Variants in MARCHF11 observed in about 807,000 individuals in gnomAD.
MARCHF11 encodes the protein membrane associated ring-CH-type finger 11.
MARCHF11 carries 29 observed loss-of-function variants against 37.3 expected under a neutral mutation model. That is an observed-to-expected ratio of 0.78 (90% CI 0.58 to 1.06). The LOEUF (loss-of-function observed/expected upper bound fraction) is 1.06. Ranked by LOEUF, MARCHF11 falls within the 50% of genes least tolerant of loss-of-function variation. The pLI is 0.00. For synonymous variants in MARCHF11, 233 were observed against 228.0 expected (o/e 1.02, Z -0.20); for missense variants, 482 against 533.4 (o/e 0.90, Z 0.95).
chr5:16,146,751 T>C (rs543555360), intron 2 of MARCHF11, among the ~76,000 whole-genome samples: 1 of 152,262 alleles, frequency 6.6e-6, no homozygotes, highest in African/African-American at 2.4e-5. Context: ...CAATCAACAA[T>C]CTCAATTTAG....
At chr5:16,103,419 G>C (rs954857740) in intron 2 of MARCHF11, among the ~76,000 whole-genome samples, 1 of 152,116 alleles carries the variant, frequency 6.6e-6, no homozygotes, top group Non-Finnish European at 1.5e-5. Flanking sequence ...AGCTTGAAGG[G>C]GGTTTCTGGG....
chr5:16,076,881 G>A (rs1271384653), intron 3 of MARCHF11, among the ~76,000 whole-genome samples: 2 of 152,178 alleles, frequency 1.3e-5, no homozygotes, highest in African/African-American at 2.4e-5. Context: ...CTCAGCCTGC[G>A]AAATGGCCAG....
chr5:16,108,093 T>C (rs116185334), intron 2 of MARCHF11, among the ~76,000 whole-genome samples: 1,914 of 152,288 alleles, frequency 0.013, 35 homozygotes, highest in African/African-American at 0.041. Flanking sequence ...TCCACTGAGC[T>C]GGTTAAACAC....
At chr5:16,131,164 C>T (rs548564453) in intron 2 of MARCHF11, among the ~76,000 whole-genome samples, 17 of 152,242 alleles carry the variant, frequency 1.1e-4, no homozygotes, top group African/African-American at 3.9e-4. Flanking sequence ...TAAACAAGTT[C>T]AAAATTCTGG....
At chr5:16,110,203 A>G (rs1457137509) in intron 2 of MARCHF11, among the ~76,000 whole-genome samples, 2 of 152,184 alleles carry the variant, frequency 1.3e-5, no homozygotes, top group Admixed American at 1.3e-4. Flanking sequence ...TGGGCAAATT[A>G]TATTCAGATT....
chr5:16,082,550 A>G (rs1021490286), intron 3 of MARCHF11, among the ~76,000 whole-genome samples: 2 of 152,178 alleles, frequency 1.3e-5, no homozygotes, highest in African/African-American at 4.8e-5. Context: ...TCCTTCCTGC[A>G]GAAGCAGTTG....
At chr5:16,083,870 C>T (rs1403314975) in intron 3 of MARCHF11, among the ~76,000 whole-genome samples, 2 of 152,118 alleles carry the variant, frequency 1.3e-5, no homozygotes, top group Non-Finnish European at 2.9e-5. Flanking sequence ...ACGACGATGA[C>T]CTAAAGGCAT....
chr5:16,171,644 T>C (rs1045562893), intron 2 of MARCHF11, among the ~76,000 whole-genome samples: 1 of 152,230 alleles, frequency 6.6e-6, no homozygotes, highest in Non-Finnish European at 1.5e-5. Flanking sequence ...GTGGTAGCTT[T>C]CATGCTAGGA....
chr5:16,162,834 T>A (rs772862280), intron 2 of MARCHF11, among the ~76,000 whole-genome samples: 49 of 152,196 alleles, frequency 3.2e-4, no homozygotes, highest in Non-Finnish European at 5.3e-4. Flanking sequence ...AGTCCTGTTC[T>A]AATAAGACTA....
At chr5:16,111,537 T>C (rs1036951383) in intron 2 of MARCHF11, among the ~76,000 whole-genome samples, 2 of 152,178 alleles carry the variant, frequency 1.3e-5, no homozygotes, top group Non-Finnish European at 2.9e-5. Context: ...CAGCAAAGCA[T>C]TCAAGAGGTG....
intron 2 of MARCHF11, among the ~76,000 whole-genome samples, chr5:16,122,200 T>C (rs1482661944): frequency 6.6e-6 from 1 of 152,150 alleles, no homozygotes; most frequent in Non-Finnish European, 1.5e-5. Context: ...AGAAGGAAAC[T>C]TCTGGGCCTT....
intron 2 of MARCHF11, among the ~76,000 whole-genome samples, chr5:16,118,474 T>C (rs1254389624): frequency 6.6e-6 from 1 of 152,182 alleles, no homozygotes; most frequent in Non-Finnish European, 1.5e-5. Context: ...TGCTATGCAC[T>C]GAGACGAGGA....
At chr5:16,172,882 GCTAT>G (rs1296275277) in intron 2 of MARCHF11, among the ~76,000 whole-genome samples, 18 of 152,290 alleles carry the variant, frequency 1.2e-4, no homozygotes, top group Admixed American at 1.1e-3. Flanking sequence ...AAACCCACCT[GCTAT>G]CTAATTCCCC....
intron 2 of MARCHF11, among the ~76,000 whole-genome samples, chr5:16,122,326 A>G (rs1440485815): frequency 6.6e-6 from 1 of 152,156 alleles, no homozygotes; most frequent in Non-Finnish European, 1.5e-5. Context: ...ATGCTTCTCC[A>G]TGGTCTTCAT....
intron 2 of MARCHF11, among the ~76,000 whole-genome samples, chr5:16,170,092 C>A (rs73044700): frequency 2.5e-3 from 377 of 152,234 alleles, no homozygotes; most frequent in African/African-American, 6.7e-3. Flanking sequence ...ACCGTGCAAA[C>A]TGCTCATCAA....
intron 2 of MARCHF11, among the ~76,000 whole-genome samples, chr5:16,136,272 T>C (rs1579404178): frequency 6.6e-6 from 1 of 152,098 alleles, no homozygotes. Flanking sequence ...CAAGGGTACA[T>C]TGGGTACCAG....
intron 2 of MARCHF11, among the ~76,000 whole-genome samples, chr5:16,127,064 T>C (rs746398178): frequency 5.9e-5 from 9 of 152,158 alleles, no homozygotes; most frequent in Non-Finnish European, 8.8e-5. Context: ...GTAGCATATC[T>C]AGAGTAATAT....
rs1051289673 is a variant in MARCHF11 at position 16,083,687 on chromosome 5, G to A, written c.886+7202C>T. On this transcript the variant is annotated intron_variant, in intron 3 of 3. Transcript: ENST00000332432. ...AAATCATTGTCAACTCCTGAATCAT[G>A]CTGAGAGATACCGGAGGGCATGAAA... Among the ~76,000 whole-genome samples the A allele has an allele frequency of 3.6e-4, 55 of 152,138 alleles. 1 individual carries two copies. Among genetic ancestry groups the A allele is most frequent in the African/African-American group, 1.3e-3 (52 of 41,420 alleles).
In MARCHF11 at chr5:16,179,324, A is replaced by G; in HGVS notation, c.252T>C (p.Pro84=). 2 of 1,233,404 alleles carry G rather than the reference A, an allele frequency of 1.6e-6. No homozygotes were observed. Among genetic ancestry groups the G allele is most frequent in the Non-Finnish European group, 2.0e-6 (2 of 988,832 alleles). The allele number at this position is 1,233,404 out of a possible 1,614,324, so 76.4% of individuals were successfully genotyped here. Residue 84 remains proline, a synonymous_variant, in exon 1 of 4, where the codon CCT becomes CCC. Coordinates refer to ENST00000332432, the MANE Select transcript of MARCHF11 (RefSeq NM_001102562.3). ...CGGCGGGCTGCAGGGGCAGGGGCGG[A>G]GGCGGCAGCTCGTCCGCTCCCCTGC... ...PRCRGADELP[P]PPLPLQPAGQ...
Sources: gnomAD v4.1 joint callset for allele counts (sites outside exome capture counted in the v4.1 genomes callset) on GRCh38, gnomAD v4.1.1 for gene constraint, MANE v1.5 for transcripts, NCBI Gene and HGNC (gene_info 2026-07-23, HGNC 2026-07-21) for gene names.